Variants in PWWP2A observed in about 807,000 individuals in gnomAD.
The protein encoded by PWWP2A is PWWP domain containing 2A.
Under a neutral mutation model 48.5 loss-of-function variants are expected in PWWP2A, and 18 were observed. The observed-to-expected ratio is 0.37, with a 90% confidence interval of 0.26 to 0.55. The LOEUF (loss-of-function observed/expected upper bound fraction) is 0.55, where lower values mean the gene tolerates loss of function less well. PWWP2A is among the 20% of genes least tolerant of loss of function. PWWP2A has a pLI of 0.81. For missense variants in PWWP2A, 867 were observed against 976.4 expected (o/e 0.89, Z 1.49); for synonymous variants, 396 against 387.7 (o/e 1.02, Z -0.25).
At chr5:160,049,563 G>A in the PWWP2A span, 7 of 1,610,386 alleles carry the variant, frequency 4.3e-6, no homozygotes, top group Non-Finnish European at 5.9e-6. Flanking sequence ...GGAGAGCAGA[G>A]TTGTATGAGA....
At chr5:160,102,128 A>G (rs1472218045) in intron 1 of PWWP2A, among the ~76,000 whole-genome samples, 4 of 146,110 alleles carry the variant, frequency 2.7e-5, no homozygotes, top group African/African-American at 1.0e-4. Context: ...AAAAAAAAAA[A>G]TGCAGCCAGG....
chr5:160,076,195 T>C (rs1753880074), exon 4 of PWWP2A: 1 of 151,872 alleles, frequency 6.6e-6, no homozygotes, highest in Non-Finnish European at 1.5e-5. Flanking sequence ...AAAAAAAAAA[T>C]ATTTATATAC....
At chr5:160,105,777 A>C in intron 1 of PWWP2A, 1 of 197,550 alleles carries the variant, frequency 5.1e-6, no homozygotes, top group Non-Finnish European at 8.9e-6. Context: ...GCCATCTCAA[A>C]AAAAAAAAAA....
chr5:160,086,308 CAGG>C (rs201204744), intron 2 of PWWP2A, among the ~76,000 whole-genome samples: 1,655 of 151,920 alleles, frequency 0.011, 29 homozygotes, highest in African/African-American at 0.038. Flanking sequence ...TGCTTGAGCC[CAGG>C]AGTTCAAGAC....
chr5:160,090,203 G>C, downstream of PWWP2A: 12 of 984,494 alleles, frequency 1.2e-5, no homozygotes, highest in Non-Finnish European at 1.4e-5. Flanking sequence ...CATGGCTTCT[G>C]AAACAAATCC....
intron 2 of PWWP2A, among the ~76,000 whole-genome samples, chr5:160,067,834 G>A (rs1753651061): frequency 6.6e-6 from 1 of 152,222 alleles, no homozygotes; most frequent in South Asian, 2.1e-4. Flanking sequence ...TAGAAAGTAA[G>A]TGTTAAGGAA....
intron 4 of PWWP2A, among the ~76,000 whole-genome samples, chr5:160,066,296 A>ATTATTTTTTTT: frequency 1.1e-5 from 1 of 94,784 alleles, no homozygotes; most frequent in South Asian, 3.8e-4. Flanking sequence ...AGTGGTTCTC[A>ATTATTTTTTTT]TTTTTTTTTT....
intron 1 of PWWP2A, among the ~76,000 whole-genome samples, chr5:160,117,518 A>G (rs574053812): frequency 3.9e-4 from 60 of 151,952 alleles, no homozygotes; most frequent in African/African-American, 1.4e-3. Context: ...TTAGACCAGC[A>G]TGGTGGCGCA....
Position 160,093,868 on chromosome 5 carries a change from T to G in PWWP2A, c.782A>C (p.Lys261Thr). Residue 261 changes from lysine to threonine, a missense_variant, in exon 2 of 2, where the codon AAA becomes ACA. Coordinates refer to ENST00000307063, the MANE Select transcript of PWWP2A (RefSeq NM_001130864.2). This position sits in a 1 kb window ranked among gnomAD's most constrained non-coding sequence, Gnocchi z 5.8. ...LSLAESLWTSKPPPLFHEGAP... is the reference protein window; with the variant it reads ...LSLAESLWTSTPPPLFHEGAP... Reference sequence around the variant, plus strand: ...TCCTTCATGGAAGAGAGGTGGTGGTTTGGAAGTCCACAGGCTTTCAGCCAA... The same window carrying G: ...TCCTTCATGGAAGAGAGGTGGTGGTGTGGAAGTCCACAGGCTTTCAGCCAA... 1 of 1,614,022 alleles carries G rather than the reference T, an allele frequency of 6.2e-7. No individual in the cohort carries two copies. Among genetic ancestry groups the G allele is most frequent in the Non-Finnish European group, 8.5e-7 (1 of 1,179,904 alleles).
Position 160,093,307 on chromosome 5 carries a change from G to A in PWWP2A, c.1343C>T (p.Thr448Ile). 1 of 1,613,930 alleles carries A rather than the reference G, an allele frequency of 6.2e-7. No homozygotes were observed. Among genetic ancestry groups the A allele is most frequent in the African/African-American group, 1.3e-5 (1 of 75,058 alleles). ...KAQKKQNETS[T>I]SKNAHSKVHF... ...GACTTTTGAATGTGCATTTTTGGAA[G>A]TAGAGGTTTCATTTTGCTTCTTTTG... The change falls in exon 2 of 2, where the codon ACT becomes ATT. Residue 448 changes from threonine to isoleucine, a missense_variant. Around this residue, in one of 4 missense-constraint regions of PWWP2A, gnomAD observed 382 missense variants for 407.2 expected, o/e 0.94. Transcript: ENST00000307063. This position sits in a 1 kb window ranked among gnomAD's most constrained non-coding sequence, Gnocchi z 5.8.
intron 1 of PWWP2A, among the ~76,000 whole-genome samples, chr5:160,101,697 A>G (rs139158753): frequency 1.9e-3 from 287 of 151,838 alleles, no homozygotes; most frequent in African/African-American, 6.5e-3. Flanking sequence ...AAAAATGTGC[A>G]TCTAAGACAG....
intron 1 of PWWP2A, among the ~76,000 whole-genome samples, chr5:160,095,650 C>T (rs1002811889): frequency 2.0e-5 from 3 of 149,326 alleles, no homozygotes; most frequent in African/African-American, 7.4e-5. Context: ...ATTTTCTACA[C>T]TACAAATCTT....
chr5:160,097,318 G>C (rs73311165), intron 1 of PWWP2A, among the ~76,000 whole-genome samples: 1,646 of 108,860 alleles, frequency 0.015, 40 homozygotes, highest in African/African-American at 0.055. Context: ...GCCTGAGCAA[G>C]TGAGTAAGCC....
At chr5:160,091,278 A>T, downstream of PWWP2A, 3 of 977,738 alleles carry the variant, frequency 3.1e-6, no homozygotes, top group Non-Finnish European at 3.6e-6. Context: ...CACTCTTACA[A>T]AGAATAATTT....
chr5:160,075,708 TCTC>T (rs1426740845), downstream of PWWP2A, among the ~76,000 whole-genome samples: 5 of 145,714 alleles, frequency 3.4e-5, no homozygotes, highest in Non-Finnish European at 7.4e-5. Context: ...TCCCATAAAA[TCTC>T]CTAGTGATTA....
At chr5:160,094,286 T>C (rs1755389417) in intron 1 of PWWP2A, among the ~76,000 whole-genome samples, 1 of 152,220 alleles carries the variant, frequency 6.6e-6, no homozygotes, top group Non-Finnish European at 1.5e-5. Context: ...ACAGCTGCCC[T>C]AAGCAATGAC....
chr5:160,052,506 A>AT, the PWWP2A span, among the ~76,000 whole-genome samples: 1 of 120,936 alleles, frequency 8.3e-6, no homozygotes, highest in Admixed American at 1.1e-4. Context: ...GGAAAAGAGC[A>AT]TTTTCTCACC....
intron 1 of PWWP2A, among the ~76,000 whole-genome samples, chr5:160,097,846 G>A (rs1484438772): frequency 6.6e-6 from 1 of 151,442 alleles, no homozygotes; most frequent in Non-Finnish European, 1.5e-5. Flanking sequence ...CACCTGAGCA[G>A]CTAGGATTAC....
At position 160,119,167 on chromosome 5, in the gene PWWP2A, C is replaced by T; in HGVS notation, c.222G>A (p.Pro74=). The T allele has an allele frequency of 1.3e-6, 2 of 1,526,478 alleles. No individual in the cohort carries two copies. The highest frequency in any genetic ancestry group is 1.7e-6 in the Non-Finnish European group (2 of 1,153,158). The allele number at this position is 1,526,478 out of a possible 1,614,324, so 94.6% of individuals were successfully genotyped here. Residue 74 remains proline (P), a synonymous_variant, in exon 1 of 2, where the codon CCG becomes CCA. Transcript: ENST00000307063. ...DEPPLPPPPP[P]PGELARSPEA... is the part of the protein sequence containing the mutation. The stretch of plus-strand genomic sequence containing the variant: ...CTGGGCTGCGGGCGAGCTCCCCCGG[C>T]GGCGGCGGTGGCGGCGGGAGCGGCG...
Sources: allele counts gnomAD v4.1 joint callset (sites outside exome capture counted in the v4.1 genomes callset), GRCh38; gene constraint gnomAD v4.1.1; regional missense constraint gnomAD v4.1.1; non-coding constraint Gnocchi (gnomAD v3.1); transcripts MANE v1.5; gene names NCBI Gene and HGNC (gene_info 2026-07-23, HGNC 2026-07-21).